MGMT: variants seen among roughly 807,000 people sequenced by gnomAD.
MGMT encodes the protein O-6-methylguanine-DNA methyltransferase.
In MGMT, 14 loss-of-function variants were observed where a neutral mutation model predicts 15.9. The observed-to-expected ratio is 0.88, with a 90% CI of 0.58 to 1.37. The LOEUF is 1.37. Ranked by LOEUF, MGMT falls within the 40% of genes most tolerant of loss-of-function variation. The pLI is 0.00. For synonymous variants in MGMT, 130 were observed against 118.2 expected (o/e 1.10, Z -0.65); for missense variants, 282 against 268.1 (o/e 1.05, Z -0.36).
At chr10:129,742,781 G>A (rs1848649994) in intron 3 of MGMT, among the ~76,000 whole-genome samples, 1 of 149,998 alleles carries the variant, frequency 6.7e-6, no homozygotes, top group African/African-American at 2.5e-5. Context: ...GCATTCAGCA[G>A]TGCCTCACAA....
Position 129,513,983 on chromosome 10 carries a change from T to C in MGMT, c.-12-22258T>C, listed in dbSNP as rs11016826. On this transcript the variant is annotated intron_variant, in intron 1 of 4. Transcript: ENST00000651593. ...AGGTTCTTAGAGTTTAAAGAAGTAG[T>C]TAATTATCAAAGCTTTTTCATTCTT... is the stretch of plus-strand genomic sequence containing the variant. 1.9e-3 allele frequency among the ~76,000 whole-genome samples: 288 copies of C among 152,328 alleles called. 1 individual carries two copies. The highest frequency in any genetic ancestry group is 3.6e-3 in the Non-Finnish European group (245 of 68,030).
chr10:129,757,913 T>C (rs960340810), intron 3 of MGMT, among the ~76,000 whole-genome samples: 1 of 152,230 alleles, frequency 6.6e-6, no homozygotes, highest in Non-Finnish European at 1.5e-5. Context: ...ATCAGTCTGA[T>C]TAACCCCAAA....
intron 4 of MGMT, among the ~76,000 whole-genome samples, chr10:129,761,238 CTT>C (rs1848869422): frequency 6.6e-6 from 1 of 151,310 alleles, no homozygotes; most frequent in Non-Finnish European, 1.5e-5. Flanking sequence ...AGTGTCTACT[CTT>C]TGTGCCCCCC....
Position 129,490,097 on chromosome 10 carries a change from G to T in MGMT, c.-13+22801G>T, listed in dbSNP as rs568744432. ...CTTCTCTTCTGGTTATCTGAATTTT[G>T]TTTTCTTTTTTTTCTTTTTTCTTAT... On this transcript the variant is annotated intron_variant, in intron 1 of 4. Coordinates refer to ENST00000651593, the MANE Select transcript of MGMT (RefSeq NM_002412.5). Among the ~76,000 whole-genome samples, 3 of 152,100 alleles carry T rather than the reference G, an allele frequency of 2.0e-5. No homozygotes were observed. The East Asian group carries it at 5.8e-4, about 29-fold the overall frequency.
At chr10:129,687,901 A>G (rs533233592) in intron 2 of MGMT, among the ~76,000 whole-genome samples, 1 of 151,140 alleles carries the variant, frequency 6.6e-6, no homozygotes, top group Non-Finnish European at 1.5e-5. Flanking sequence ...CCTGTGTCCA[A>G]GTGTTCTCAT....
At chr10:129,613,780 G>A (rs987061506) in intron 2 of MGMT, among the ~76,000 whole-genome samples, 2 of 152,168 alleles carry the variant, frequency 1.3e-5, no homozygotes, top group Non-Finnish European at 2.9e-5. Context: ...CCAGCGTCAC[G>A]CAGTGTCATG....
chr10:129,502,838 G>A (rs1845588003), intron 1 of MGMT, among the ~76,000 whole-genome samples: 1 of 152,120 alleles, frequency 6.6e-6, no homozygotes, highest in African/African-American at 2.4e-5. Context: ...AAAACAAGAT[G>A]TCGAGACAAA....
At chr10:129,605,336 A>G (rs1054989604) in intron 2 of MGMT, among the ~76,000 whole-genome samples, 3 of 152,176 alleles carry the variant, frequency 2.0e-5, no homozygotes, top group African/African-American at 4.8e-5. Flanking sequence ...TTTTAATGTC[A>G]AAATTATTTA....
intron 3 of MGMT, among the ~76,000 whole-genome samples, chr10:129,734,346 A>G (rs1218234304): frequency 7.1e-6 from 1 of 140,964 alleles, no homozygotes; most frequent in African/African-American, 2.5e-5. Flanking sequence ...TTCACTCATG[A>G]TTTGGCTCTC....
At chr10:129,619,339 C>G (rs1847064497) in intron 2 of MGMT, among the ~76,000 whole-genome samples, 1 of 152,134 alleles carries the variant, frequency 6.6e-6, no homozygotes, top group African/African-American at 2.4e-5. Context: ...ATACATCTCT[C>G]TGTATATATA....
At chr10:129,733,376 A>G (rs577966401) in intron 3 of MGMT, among the ~76,000 whole-genome samples, 1 of 152,180 alleles carries the variant, frequency 6.6e-6, no homozygotes, top group East Asian at 1.9e-4. Context: ...GTGTCTGTTC[A>G]TGTCCTTCGC....
chr10:129,589,921 GGGAGGGGTCCCAGGTGGGTTGAGGCT>G (rs1296317099), intron 2 of MGMT, among the ~76,000 whole-genome samples: 3 of 152,256 alleles, frequency 2.0e-5, no homozygotes, highest in African/African-American at 7.2e-5. Context: ...TGGAGCCCAA[GGGAGGGGTCCCAGGTGGGTTGAGGCT>G]GGAGATGGCC....
intron 2 of MGMT, among the ~76,000 whole-genome samples, chr10:129,597,897 G>A (rs1846769779): frequency 6.6e-6 from 1 of 152,172 alleles, no homozygotes. Context: ...AAATGGCATA[G>A]GGCATTTTTA....
chr10:129,749,794 C>T (rs1225876711), intron 3 of MGMT, among the ~76,000 whole-genome samples: 1 of 152,124 alleles, frequency 6.6e-6, no homozygotes, highest in Non-Finnish European at 1.5e-5. Flanking sequence ...GGTACTGTCA[C>T]TGTTTGGATT....
chr10:129,630,782 G>T (rs1444654604), intron 2 of MGMT, among the ~76,000 whole-genome samples: 1 of 152,232 alleles, frequency 6.6e-6, no homozygotes, highest in Non-Finnish European at 1.5e-5. Flanking sequence ...TGAGTAAAGT[G>T]CCATGAGAAG....
chr10:129,545,992 T>C (rs1846093927), intron 2 of MGMT, among the ~76,000 whole-genome samples: 1 of 152,238 alleles, frequency 6.6e-6, no homozygotes, highest in African/African-American at 2.4e-5. Flanking sequence ...ACTGAAGCAT[T>C]GTCTTGTGGC....
intron 1 of MGMT, among the ~76,000 whole-genome samples, chr10:129,529,941 C>A (rs775073206): frequency 6.6e-6 from 1 of 151,938 alleles, no homozygotes; most frequent in Non-Finnish European, 1.5e-5. Context: ...TGCTCTGTTA[C>A]CCAGGCTGGA....
At chr10:129,616,078 A>C (rs1008751337) in intron 2 of MGMT, among the ~76,000 whole-genome samples, 2 of 152,156 alleles carry the variant, frequency 1.3e-5, no homozygotes, top group African/African-American at 4.8e-5. Flanking sequence ...TTTGGCAGTT[A>C]GGAAAGCAAG....
chr10:129,522,519 T>G (rs1845825215), intron 1 of MGMT, among the ~76,000 whole-genome samples: 1 of 152,234 alleles, frequency 6.6e-6, no homozygotes, highest in Non-Finnish European at 1.5e-5. Flanking sequence ...GTTTGGTTGT[T>G]GAACCTGGAG....
Sources: allele counts gnomAD v4.1 joint callset (sites outside exome capture counted in the v4.1 genomes callset), GRCh38; gene constraint gnomAD v4.1.1; transcripts MANE v1.5; gene names NCBI Gene and HGNC (gene_info 2026-07-23, HGNC 2026-07-21).